The following UNC13B variants were observed in gnomAD, a reference collection of about 807,000 sequenced individuals.
UNC13B encodes the protein protein unc-13 homolog B.
Under a neutral mutation model 211.0 loss-of-function variants are expected in UNC13B, and 144 were observed. The ratio of observed to expected loss-of-function variants is 0.68; its 90% CI spans 0.60 to 0.78. The LOEUF (loss-of-function observed/expected upper bound fraction) is 0.78. Among genes scored for constraint, UNC13B ranks in the 30% least tolerant of loss-of-function variants. UNC13B has a pLI of 0.00. For synonymous variants in UNC13B, 709 were observed against 725.8 expected (o/e 0.98, Z 0.37); for missense variants, 1,777 against 2,002.0 (o/e 0.89, Z 2.14).
chr9:35,181,042 G>A (rs1044294054), intron 1 of UNC13B, among the ~76,000 whole-genome samples: 1 of 152,080 alleles, frequency 6.6e-6, no homozygotes, highest in Non-Finnish European at 1.5e-5. Context: ...AGGCTACACT[G>A]AGGCTTGATC....
At chr9:35,397,565 A>C (rs1335385967) in intron 29 of UNC13B, 70 bp from the exon 30 acceptor site, 2 of 1,521,154 alleles carry the variant, frequency 1.3e-6, no homozygotes, top group African/African-American at 2.7e-5. Context: ...GAGAAGTGCC[A>C]CCTCAGGCAA....
rs548666637 is a variant in UNC13B at position 35,335,853 on chromosome 9, G to A, written c.9414+21864G>A. Among the ~76,000 whole-genome samples, 54 of 152,156 alleles carry A rather than the reference G, an allele frequency of 3.5e-4. 1 individual carries two copies. The highest frequency in any genetic ancestry group is 1.2e-3 in the African/African-American group (49 of 41,516). Reference sequence around the variant, plus strand: ...AGAATAGCTAGGACTACAAGGATGTGCCACCAGACCTGGCTAATTTTTAAA... The same window carrying A: ...AGAATAGCTAGGACTACAAGGATGTACCACCAGACCTGGCTAATTTTTAAA... On this transcript the variant is annotated intron_variant, in intron 11 of 39. Transcript: ENST00000635942.
At chr9:35,258,282 C>T (rs1827051904) in intron 6 of UNC13B, among the ~76,000 whole-genome samples, 1 of 152,190 alleles carries the variant, frequency 6.6e-6, no homozygotes, top group Non-Finnish European at 1.5e-5. Context: ...TCACTGTCTT[C>T]CAGACTCTGT....
At chr9:35,401,891 G>A (rs1341836731) in intron 37 of UNC13B, 28 of 1,496,082 alleles carry the variant, frequency 1.9e-5, no homozygotes, top group Non-Finnish European at 2.4e-5. Flanking sequence ...GACTGCTAAC[G>A]GATTCTTCTT....
At chr9:35,353,998 T>C (rs903794138) in intron 11 of UNC13B, among the ~76,000 whole-genome samples, 1 of 152,144 alleles carries the variant, frequency 6.6e-6, no homozygotes, top group African/African-American at 2.4e-5. Context: ...AAGATGGTTC[T>C]CAAGCAAGAG....
chr9:35,305,130 A>T lies in UNC13B; in HGVS notation c.5726A>T (p.Glu1909Val). The change falls in exon 9 of 40, where the codon GAG (glutamate) becomes GTG (valine). Residue 1909 changes from glutamate (E) to valine (V), a missense_variant. Glu to Val is a moderately radical substitution (Grantham distance 121, BLOSUM62 -2). Transcript: ENST00000635942. ...YELPQGQSSK[E>V]SDKTLFKSSL... is the part of the protein sequence containing the mutation. Reference sequence around the variant, plus strand: ...CTTCCCCAGGGCCAGTCATCCAAAGAGTCTGATAAAACATTATTTAAAAGT... The same window carrying T: ...CTTCCCCAGGGCCAGTCATCCAAAGTGTCTGATAAAACATTATTTAAAAGT... 1 of 398,940 alleles carries T rather than the reference A, an allele frequency of 2.5e-6. No homozygotes were observed. The highest frequency in any genetic ancestry group is 4.4e-6 in the Non-Finnish European group (1 of 226,008). 24.7% of individuals were successfully genotyped at this position (398,940 alleles called of 1,614,324 possible).
At chr9:35,286,065 A>G (rs993569998) in intron 7 of UNC13B, among the ~76,000 whole-genome samples, 12 of 152,098 alleles carry the variant, frequency 7.9e-5, no homozygotes, top group Non-Finnish European at 1.5e-4. Context: ...AATAAGAAAC[A>G]TATATTTTGG....
chr9:35,309,688 T>C (rs191901039), intron 9 of UNC13B, among the ~76,000 whole-genome samples: 2 of 152,166 alleles, frequency 1.3e-5, no homozygotes, highest in Non-Finnish European at 2.9e-5. Context: ...TCTTCAGATA[T>C]AGAGATGCAT....
chr9:35,296,593 C>G (rs1427781129), intron 8 of UNC13B, among the ~76,000 whole-genome samples: 1 of 151,976 alleles, frequency 6.6e-6, no homozygotes, highest in Non-Finnish European at 1.5e-5. Context: ...TGTGCTCTCC[C>G]CTGCCCTAAG....
At chr9:35,205,277 T>G (rs911967152) in intron 1 of UNC13B, among the ~76,000 whole-genome samples, 4 of 152,108 alleles carry the variant, frequency 2.6e-5, no homozygotes, top group Non-Finnish European at 5.9e-5. Context: ...TCACCACGTT[T>G]CAGGTATTTA....
chr9:35,219,667 C>G (rs1824462981), intron 1 of UNC13B, among the ~76,000 whole-genome samples: 2 of 145,010 alleles, frequency 1.4e-5, no homozygotes, highest in African/African-American at 5.1e-5. Flanking sequence ...AATTTTCAAA[C>G]TTCTAAAAAA....
chr9:35,382,514 A>G lies in UNC13B; in HGVS notation c.10806+7A>G, dbSNP rs1250628062. The G allele has an allele frequency of 1.4e-5, 23 of 1,608,656 alleles. No individual in the cohort carries two copies. Among genetic ancestry groups the G allele is most frequent in the East Asian group, 6.7e-5 (3 of 44,864 alleles). ...TGCAGCCTCCAACTTTGGGGTAAGT[A>G]TCATGTAAACACATATGTCTGCATT... On this transcript the variant is annotated splice_region_variant and intron_variant, in intron 21 of 39. Transcript: ENST00000635942.
At chr9:35,254,481 A>C (rs555707289) in intron 6 of UNC13B, among the ~76,000 whole-genome samples, 1 of 152,194 alleles carries the variant, frequency 6.6e-6, no homozygotes, top group Admixed American at 6.5e-5. Flanking sequence ...CATCTCCCAA[A>C]GGCCCTACCT....
chr9:35,218,612 A>T (rs369851457), intron 1 of UNC13B, among the ~76,000 whole-genome samples: 2 of 152,004 alleles, frequency 1.3e-5, no homozygotes, highest in Non-Finnish European at 2.9e-5. Flanking sequence ...TCCCAGGCTC[A>T]TCTCAGGCTC....
At chr9:35,325,031 C>G (rs1415277603) in intron 11 of UNC13B, among the ~76,000 whole-genome samples, 1 of 152,200 alleles carries the variant, frequency 6.6e-6, no homozygotes, top group Non-Finnish European at 1.5e-5. Flanking sequence ...CCTGAACCCA[C>G]TAGATGTGAT....
chr9:35,268,927 AT>A (rs1315757825), intron 7 of UNC13B, among the ~76,000 whole-genome samples: 1 of 152,072 alleles, frequency 6.6e-6, no homozygotes, highest in African/African-American at 2.4e-5. Context: ...CAAAATGATG[AT>A]TTTCTAATTC....
intron 37 of UNC13B, 110 bp from the exon 38 acceptor site, chr9:35,403,057 A>ACTGT: frequency 1.2e-6 from 1 of 823,226 alleles, no homozygotes; most frequent in Non-Finnish European, 2.0e-6. Flanking sequence ...TCCCATGGTT[A>ACTGT]CTGTGGTGAT....
chr9:35,228,570 G>A (rs933448781), intron 2 of UNC13B, among the ~76,000 whole-genome samples: 4 of 151,786 alleles, frequency 2.6e-5, no homozygotes, highest in Admixed American at 2.0e-4. Flanking sequence ...TCATGAACCT[G>A]TTTCAGCTTG....
intron 8 of UNC13B, among the ~76,000 whole-genome samples, chr9:35,296,245 C>T (rs1436618752): frequency 1.3e-5 from 2 of 152,118 alleles, no homozygotes; most frequent in Admixed American, 6.5e-5. Flanking sequence ...TTTGTTATAC[C>T]CTTTGCCAAG....
Sources: allele counts gnomAD v4.1 joint callset (sites outside exome capture counted in the v4.1 genomes callset), GRCh38; gene constraint gnomAD v4.1.1; transcripts MANE v1.5; gene names NCBI Gene and HGNC (gene_info 2026-07-23, HGNC 2026-07-21).